The following CPEB3 variants were observed in gnomAD, a reference collection of about 807,000 sequenced individuals.
The protein encoded by CPEB3 is cytoplasmic polyadenylation element binding protein 3, also known as cytoplasmic polyadenylation element-binding protein 3.
Under a neutral mutation model 67.2 loss-of-function variants are expected in CPEB3, and 20 were observed. The observed-to-expected ratio is 0.30, with a 90% CI of 0.21 to 0.43. CPEB3 has a LOEUF of 0.43. CPEB3 is among the 20% of genes least tolerant of loss of function. The pLI, the probability that CPEB3 is intolerant of heterozygous loss-of-function variation, is 1.00. For synonymous variants in CPEB3, 376 were observed against 393.1 expected (o/e 0.96, Z 0.51); for missense variants, 746 against 968.6 (o/e 0.77, Z 3.05).
intron 2 of CPEB3, among the ~76,000 whole-genome samples, chr10:92,193,394 C>A (rs1298844909): frequency 1.3e-5 from 2 of 152,108 alleles, no homozygotes; most frequent in Non-Finnish European, 2.9e-5. Flanking sequence ...GCTCTCTACC[C>A]TCCACCCAAT....
chr10:92,077,376 CT>C (rs1016053106), intron 9 of CPEB3, among the ~76,000 whole-genome samples: 4 of 151,764 alleles, frequency 2.6e-5, no homozygotes, highest in African/African-American at 9.7e-5. Context: ...AGTAACAGTT[CT>C]GGGGAAGGGA....
In CPEB3 at chr10:92,111,263, A is replaced by G; in HGVS notation, c.1454-69T>C. 4 of 1,026,314 alleles carry G rather than the reference A, an allele frequency of 3.9e-6. No individual in the cohort carries two copies. In the South Asian group the frequency reaches 5.2e-5, roughly 13 times the overall value. 63.6% of individuals were successfully genotyped at this position (1,026,314 alleles called of 1,614,324 possible). On this transcript the variant is annotated intron_variant, in intron 6 of 9. Coordinates refer to ENST00000265997, the MANE Select transcript of CPEB3 (RefSeq NM_014912.5). ...ATTAAACTCAAAGTACCAATTACAA[A>G]TTATCTGTTGTTTCATTTTGGCAAA... is the stretch of plus-strand genomic sequence containing the variant.
chr10:92,284,677 G>A (rs1370810197), intron 1 of CPEB3, among the ~76,000 whole-genome samples: 1 of 151,830 alleles, frequency 6.6e-6, no homozygotes, highest in Non-Finnish European at 1.5e-5. Context: ...TCAAATCCTA[G>A]TTATAATCTC....
At chr10:92,209,768 C>G (rs1849980728) in intron 2 of CPEB3, among the ~76,000 whole-genome samples, 2 of 150,156 alleles carry the variant, frequency 1.3e-5, no homozygotes, top group South Asian at 4.2e-4. Flanking sequence ...GAAACCCCAT[C>G]TCAACTAAAA....
intron 1 of CPEB3, among the ~76,000 whole-genome samples, chr10:92,267,651 T>A (rs1420252340): frequency 6.6e-6 from 1 of 152,076 alleles, no homozygotes; most frequent in Non-Finnish European, 1.5e-5. Flanking sequence ...TATTATATTA[T>A]CCAGGCAGGT....
At chr10:92,084,507 G>GA (rs1428901317) in intron 8 of CPEB3, among the ~76,000 whole-genome samples, 4 of 152,194 alleles carry the variant, frequency 2.6e-5, no homozygotes, top group Non-Finnish European at 5.9e-5. Context: ...GACTTAAGAA[G>GA]AGGTTTTTGG....
At position 92,239,234 on chromosome 10, in the gene CPEB3, G is replaced by T; in HGVS notation, c.1005+112C>A. ...GGAGGCTTCGGAAGGGGAAAGAGGA[G>T]CTGGACATTGCTGCCCTTTTTAAAT... On this transcript the variant is annotated intron_variant, in intron 2 of 9. Coordinates refer to ENST00000265997, the MANE Select transcript of CPEB3 (RefSeq NM_014912.5). This position sits in a 1 kb window ranked among gnomAD's most constrained non-coding sequence, Gnocchi z 6.0. The T allele has an allele frequency of 1.7e-6, 2 of 1,192,314 alleles. No homozygotes were observed. The highest frequency in any genetic ancestry group is 2.4e-6 in the Non-Finnish European group (2 of 846,998). 73.9% of individuals were successfully genotyped at this position (1,192,314 alleles called of 1,614,324 possible).
intron 2 of CPEB3, among the ~76,000 whole-genome samples, chr10:92,199,178 G>C (rs1465216209): frequency 2.0e-5 from 3 of 151,034 alleles, no homozygotes; most frequent in Non-Finnish European, 4.4e-5. Flanking sequence ...GATCACCTGA[G>C]GTCGGGAGTT....
intron 1 of CPEB3, among the ~76,000 whole-genome samples, chr10:92,275,474 T>C (rs1433287657): frequency 6.6e-6 from 1 of 152,232 alleles, no homozygotes; most frequent in African/African-American, 2.4e-5. Context: ...CATAAATTAT[T>C]GAGTAGTAAG....
intron 7 of CPEB3, among the ~76,000 whole-genome samples, chr10:92,100,272 T>G (rs113224104): frequency 3.6e-3 from 554 of 152,266 alleles, no homozygotes; most frequent in South Asian, 9.8e-3. Flanking sequence ...ATAGGTTTTT[T>G]TTTGTTTGTT....
chr10:92,153,254 G>C (rs187676922), intron 4 of CPEB3, among the ~76,000 whole-genome samples: 1 of 152,246 alleles, frequency 6.6e-6, no homozygotes, highest in East Asian at 1.9e-4. Context: ...GCAGGCTTTT[G>C]ACAGAAATAC....
intron 3 of CPEB3, among the ~76,000 whole-genome samples, chr10:92,184,606 A>C (rs1169435932): frequency 6.6e-6 from 1 of 152,108 alleles, no homozygotes; most frequent in African/African-American, 2.4e-5. Flanking sequence ...TCTGTCTCAA[A>C]AAGAAAAGAA....
At chr10:92,155,499 G>A (rs1847165106) in intron 4 of CPEB3, among the ~76,000 whole-genome samples, 1 of 152,158 alleles carries the variant, frequency 6.6e-6, no homozygotes, top group Non-Finnish European at 1.5e-5. Context: ...CTAGATATGC[G>A]ATCTAGACAT....
In CPEB3 at chr10:92,239,315, G is replaced by A; in HGVS notation, c.1005+31C>T. 1 of 1,590,046 alleles carries A rather than the reference G, an allele frequency of 6.3e-7. No homozygotes were observed. Among genetic ancestry groups the A allele is most frequent in the Non-Finnish European group, 8.6e-7 (1 of 1,167,594 alleles). On this transcript the variant is annotated intron_variant, in intron 2 of 9. Coordinates refer to ENST00000265997, the MANE Select transcript of CPEB3 (RefSeq NM_014912.5). The surrounding 1 kb of genome is among the most constrained non-coding windows in gnomAD (Gnocchi z 6.0). ...AGTGGCAAAAGGAGCGGGGCAGAGGGAAGGAGTGTGTAGGTGCAGCAGAGT... is the reference window on the plus strand; with the variant it reads ...AGTGGCAAAAGGAGCGGGGCAGAGGAAAGGAGTGTGTAGGTGCAGCAGAGT...
intron 1 of CPEB3, among the ~76,000 whole-genome samples, chr10:92,284,228 G>A (rs1390458767): frequency 5.3e-5 from 8 of 151,446 alleles, no homozygotes; most frequent in Non-Finnish European, 8.8e-5. Flanking sequence ...TAGTAGAGAC[G>A]GAGTTTCACC....
chr10:92,089,171 C>T (rs974853078), intron 8 of CPEB3, among the ~76,000 whole-genome samples: 3 of 152,120 alleles, frequency 2.0e-5, no homozygotes. Context: ...CTTTAAAAAA[C>T]GTCTTCTATT....
At chr10:92,182,150 C>CA (rs1160841833) in intron 3 of CPEB3, among the ~76,000 whole-genome samples, 2 of 152,120 alleles carry the variant, frequency 1.3e-5, no homozygotes, top group Non-Finnish European at 2.9e-5. Flanking sequence ...ATGAAATTCT[C>CA]AAAAAATGTT....
intron 4 of CPEB3, among the ~76,000 whole-genome samples, chr10:92,174,935 T>C (rs1351411764): frequency 3.3e-5 from 5 of 152,186 alleles, no homozygotes; most frequent in East Asian, 1.9e-4. Flanking sequence ...TTCCCAAATG[T>C]AGCAGTAATA....
At chr10:92,121,844 A>T (rs1311776103) in intron 6 of CPEB3, among the ~76,000 whole-genome samples, 5 of 152,162 alleles carry the variant, frequency 3.3e-5, no homozygotes, top group Non-Finnish European at 7.4e-5. Context: ...TCCTATTACC[A>T]GTGACCTTCC....
Sources: gnomAD v4.1 joint callset for allele counts (sites outside exome capture counted in the v4.1 genomes callset) on GRCh38, gnomAD v4.1.1 for gene constraint, Gnocchi (gnomAD v3.1) non-coding constraint, MANE v1.5 for transcripts, NCBI Gene and HGNC (gene_info 2026-07-23, HGNC 2026-07-21) for gene names.